The following TAFA2 variants were observed in gnomAD, a reference collection of about 807,000 sequenced individuals.
TAFA2 encodes chemokine-like protein TAFA-2.
A neutral mutation model predicts 18.8 loss-of-function variants in TAFA2; 7 were observed. That is an observed-to-expected ratio of 0.37 (90% CI 0.21 to 0.70). TAFA2 has a LOEUF of 0.70. Among genes scored for constraint, TAFA2 ranks in the 30% least tolerant of loss-of-function variants. The pLI, the probability that TAFA2 is intolerant of heterozygous loss-of-function variation, is 0.53. For synonymous variants in TAFA2, 60 were observed against 54.2 expected, an observed-to-expected ratio of 1.11 and a Z score of -0.47; for missense variants, 122 against 158.1, an observed-to-expected ratio of 0.77 and a Z score of 1.23.
chr12:61,717,586 T>C lies in TAFA2; in HGVS notation c.385-7169A>G, dbSNP rs116332266. 5.6e-3 allele frequency among the ~76,000 whole-genome samples: 846 copies of C among 152,328 alleles called. 12 individuals are homozygous for C. Among genetic ancestry groups the C allele is most frequent in the African/African-American group, 0.019 (804 of 41,580 alleles). ...ACATTTCCACTAAAGGACCTTGAAC[T>C]ATACTCAGTTATCTATTTTATAAAT... On this transcript the variant is annotated intron_variant, in intron 4 of 4. Coordinates refer to ENST00000416284, the MANE Select transcript of TAFA2 (RefSeq NM_178539.5).
intron 4 of TAFA2, among the ~76,000 whole-genome samples, chr12:61,725,869 G>C (rs1166629220): frequency 6.6e-6 from 1 of 152,086 alleles, no homozygotes; most frequent in Non-Finnish European, 1.5e-5. Context: ...GCTAAGCTAT[G>C]CAGACACAAA....
intron 1 of TAFA2, among the ~76,000 whole-genome samples, chr12:61,988,846 A>C (rs1221432190): frequency 1.3e-5 from 2 of 152,042 alleles, no homozygotes; most frequent in Non-Finnish European, 2.9e-5. Flanking sequence ...TTTTTAATTG[A>C]TGTCAAACAA....
intron 1 of TAFA2, among the ~76,000 whole-genome samples, chr12:62,230,233 C>T (rs2062806561): frequency 6.7e-6 from 1 of 149,436 alleles, no homozygotes; most frequent in Non-Finnish European, 1.5e-5. Context: ...TTTGTTATTT[C>T]TTTCATTCTA....
upstream of TAFA2, chr12:62,259,169 T>C (rs765867066): frequency 1.3e-5 from 2 of 152,230 alleles, no homozygotes; most frequent in Non-Finnish European, 2.9e-5. Context: ...CGAGAAATGA[T>C]GTGGGGATTC....
intron 1 of TAFA2, among the ~76,000 whole-genome samples, chr12:62,100,093 T>A (rs996596823): frequency 1.3e-5 from 2 of 151,648 alleles, no homozygotes; most frequent in East Asian, 3.9e-4. Context: ...CTTCCTGTCA[T>A]TATGTCTGCC....
chr12:61,904,012 AT>A (rs1461611055), intron 1 of TAFA2, among the ~76,000 whole-genome samples: 1 of 152,172 alleles, frequency 6.6e-6, no homozygotes, highest in East Asian at 1.9e-4. Context: ...ATTACTGAAG[AT>A]TTCTGTATCT....
At chr12:62,201,867 C>G (rs1173951560) in intron 1 of TAFA2, among the ~76,000 whole-genome samples, 1 of 152,114 alleles carries the variant, frequency 6.6e-6, no homozygotes, top group East Asian at 1.9e-4. Flanking sequence ...TCTGTCTGGT[C>G]CTAGGCTTTT....
At chr12:61,929,954 A>G (rs982719786) in intron 1 of TAFA2, among the ~76,000 whole-genome samples, 48 of 149,220 alleles carry the variant, frequency 3.2e-4, no homozygotes, top group African/African-American at 1.2e-3. Context: ...GAATTGAACA[A>G]TGACAACACA....
At chr12:61,900,020 G>A (rs1302635614) in intron 1 of TAFA2, among the ~76,000 whole-genome samples, 1 of 152,154 alleles carries the variant, frequency 6.6e-6, no homozygotes, top group Non-Finnish European at 1.5e-5. Context: ...CTGGGTTTGT[G>A]TTGTTGCATC....
intron 1 of TAFA2, among the ~76,000 whole-genome samples, chr12:62,020,954 AT>A (rs1410089969): frequency 6.6e-6 from 1 of 152,228 alleles, no homozygotes; most frequent in Admixed American, 6.5e-5. Context: ...ATAAAGTTTT[AT>A]TTGAACTCAG....
intron 1 of TAFA2, among the ~76,000 whole-genome samples, chr12:62,152,942 G>A (rs2136921408): frequency 6.6e-6 from 1 of 152,304 alleles, no homozygotes; most frequent in East Asian, 1.9e-4. Flanking sequence ...AAAGGGTGTT[G>A]AAACTGCATA....
At chr12:62,234,550 T>C in intron 1 of TAFA2, 1 of 841,502 alleles carries the variant, frequency 1.2e-6, no homozygotes, top group South Asian at 1.3e-5. Context: ...TACCCACGTA[T>C]GTCATCTACG....
intron 1 of TAFA2, among the ~76,000 whole-genome samples, chr12:62,053,636 C>A (rs1882113051): frequency 6.6e-6 from 1 of 152,126 alleles, no homozygotes; most frequent in East Asian, 1.9e-4. Context: ...GTTTTAATAA[C>A]CCAATTCATT....
intron 2 of TAFA2, among the ~76,000 whole-genome samples, chr12:61,760,467 A>T (rs1391598652): frequency 6.7e-6 from 1 of 150,266 alleles, no homozygotes; most frequent in Non-Finnish European, 1.5e-5. Context: ...ATATGTATGC[A>T]TACGTTTAGT....
rs571710844 is a variant in TAFA2 at position 62,129,335 on chromosome 12, T to C, written c.-2+61924A>G. 1.3e-4 allele frequency among the ~76,000 whole-genome samples: 20 copies of C among 152,182 alleles called. No individual in the cohort carries two copies. The East Asian group carries it at 3.1e-3, about 24-fold the overall frequency. On this transcript the variant is annotated intron_variant, in intron 1 of 4. Transcript: ENST00000416284. Reference sequence around the variant, plus strand: ...TAAGAAAGATCCAGTTGTATTTCCATTCTGTTGTAATGTGAAAAGTGAATA... The same window carrying C: ...TAAGAAAGATCCAGTTGTATTTCCACTCTGTTGTAATGTGAAAAGTGAATA...
chr12:61,985,279 G>A (rs1384357649), intron 1 of TAFA2, among the ~76,000 whole-genome samples: 1 of 152,166 alleles, frequency 6.6e-6, no homozygotes, highest in South Asian at 2.1e-4. Context: ...ATAAAAATAT[G>A]CTGCGAATAA....
chr12:61,716,607 T>C (rs2120566625), intron 4 of TAFA2, among the ~76,000 whole-genome samples: 1 of 152,314 alleles, frequency 6.6e-6, no homozygotes, highest in Non-Finnish European at 1.5e-5. Flanking sequence ...CTCCAATATG[T>C]TCATTAAAAT....
At chr12:61,739,988 G>C (rs1429810714) in intron 4 of TAFA2, among the ~76,000 whole-genome samples, 2 of 152,064 alleles carry the variant, frequency 1.3e-5, no homozygotes, top group African/African-American at 4.8e-5. Context: ...TACTCAAACA[G>C]CCTTTTCAAA....
chr12:61,959,473 C>T (rs1057217815), intron 1 of TAFA2, among the ~76,000 whole-genome samples: 2 of 151,966 alleles, frequency 1.3e-5, no homozygotes, highest in Non-Finnish European at 2.9e-5. Flanking sequence ...TAAAGAAAAT[C>T]TATTGATTCC....
Sources: allele counts gnomAD v4.1 joint callset (sites outside exome capture counted in the v4.1 genomes callset), GRCh38; gene constraint gnomAD v4.1.1; transcripts MANE v1.5; gene names NCBI Gene and HGNC (gene_info 2026-07-23, HGNC 2026-07-21).